BZW2: variants seen among roughly 807,000 people sequenced by gnomAD.
BZW2 encodes basic leucine zipper and W2 domains 2, also known as eIF5-mimic protein 1.
A neutral mutation model predicts 53.2 loss-of-function variants in BZW2; 23 were observed. The ratio of observed to expected loss-of-function variants is 0.43; its 90% CI spans 0.31 to 0.61. The LOEUF is 0.61. BZW2 is among the 20% of genes least tolerant of loss of function. The pLI, the probability that BZW2 is intolerant of heterozygous loss-of-function variation, is 0.09. For synonymous variants in BZW2, 227 were observed against 186.4 expected (o/e 1.22, Z -1.77); for missense variants, 409 against 503.1 (o/e 0.81, Z 1.79).
chr7:16,673,923 G>A (rs957883039), intron 2 of BZW2, among the ~76,000 whole-genome samples: 6 of 151,482 alleles, frequency 4.0e-5, no homozygotes, highest in African/African-American at 1.5e-4. Flanking sequence ...TTTTGAGACA[G>A]CGTTTCACTC....
chr7:16,686,122 C>G (rs1333264913), intron 6 of BZW2, 82 bp downstream of exon 6: 3 of 1,548,180 alleles, frequency 1.9e-6, no homozygotes, highest in Admixed American at 1.9e-5. Flanking sequence ...GCCAGTGGCT[C>G]TTTTTGGTGT....
chr7:16,659,536 C>T (rs1782198941), intron 1 of BZW2, among the ~76,000 whole-genome samples: 1 of 152,056 alleles, frequency 6.6e-6, no homozygotes, highest in Non-Finnish European at 1.5e-5. Flanking sequence ...CCAAAAGATT[C>T]CTAGATTCCT....
At chr7:16,696,162 A>T (rs755662216) in intron 8 of BZW2, 1 of 152,196 alleles carries the variant, frequency 6.6e-6, no homozygotes, top group Non-Finnish European at 1.5e-5. Context: ...TGTTACTACT[A>T]CTCACAAAGT....
Position 16,646,234 on chromosome 7 carries a change from T to G in BZW2, c.-62T>G. 1 of 347,360 alleles carries G rather than the reference T, an allele frequency of 2.9e-6. No individual in the cohort carries two copies. The highest frequency in any genetic ancestry group is 5.9e-6 in the Non-Finnish European group (1 of 169,992). 21.5% of individuals were successfully genotyped at this position (347,360 alleles called of 1,614,324 possible). On this transcript the variant is annotated 5_prime_UTR_variant, in exon 1 of 12. Transcript: ENST00000258761. ...CTGCTGCTGCTGCTGCCGCTGCTGC[T>G]GCACGAATCGCCGCAGCCCCCAGCC...
In BZW2 at chr7:16,682,780, G is replaced by A. The variant is rs1461429389; in HGVS notation, c.340G>A (p.Val114Ile). The A allele has an allele frequency of 6.5e-7, 1 of 1,539,504 alleles. No individual in the cohort carries two copies. The highest frequency in any genetic ancestry group is 1.2e-5 in the South Asian group (1 of 81,350). Residue 114 changes from valine (V) to isoleucine (I), a missense_variant and splice_region_variant, in exon 5 of 12, where the codon GTC becomes ATC. Physicochemically the swap from Val to Ile is conservative, Grantham distance 29. Around this residue, in one of 3 missense-constraint regions of BZW2, gnomAD observed 316 missense variants for 366.8 expected, o/e 0.86. Transcript: ENST00000258761. ...DHETIRNYAQVFNKLIRRYKY... is the reference protein window; with the variant it reads ...DHETIRNYAQIFNKLIRRYKY... ...TATTTAATGGTTGTTTTTTTTTTAG[G>A]TCTTCAATAAACTCATCAGGAGATA...
chr7:16,665,941 C>T (rs1441926936), intron 2 of BZW2, among the ~76,000 whole-genome samples: 2 of 151,928 alleles, frequency 1.3e-5, no homozygotes, highest in Non-Finnish European at 2.9e-5. Flanking sequence ...AATCTACTGC[C>T]CTAAATTCCC....
In BZW2 at chr7:16,704,673, T is replaced by C. The variant is rs1283653325; in HGVS notation, c.1231+4T>C. ...TGGTTACAAAATGCAGAAGAAGGTA[T>C]GATTCTGTTTACAAACATTGATGAC... On this transcript the variant is annotated splice_donor_region_variant and intron_variant, in intron 11 of 11. Coordinates refer to ENST00000258761, the MANE Select transcript of BZW2 (RefSeq NM_014038.3). 6 of 1,565,424 alleles carry C rather than the reference T, an allele frequency of 3.8e-6. No homozygotes were observed. The highest frequency in any genetic ancestry group is 4.5e-5 in the East Asian group (2 of 44,040).
At chr7:16,694,294 G>A (rs1783411948) in intron 7 of BZW2, among the ~76,000 whole-genome samples, 1 of 152,124 alleles carries the variant, frequency 6.6e-6, no homozygotes, top group Non-Finnish European at 1.5e-5. Context: ...CTGAAACTGG[G>A]TTATTTATAC....
chr7:16,670,731 C>T (rs1782573703), intron 2 of BZW2, among the ~76,000 whole-genome samples: 1 of 152,108 alleles, frequency 6.6e-6, no homozygotes, highest in Admixed American at 6.5e-5. Flanking sequence ...CTCTAGAATT[C>T]CTATGCGTTT....
At chr7:16,659,287 A>T (rs1485774053) in intron 1 of BZW2, among the ~76,000 whole-genome samples, 1 of 152,040 alleles carries the variant, frequency 6.6e-6, no homozygotes, top group Non-Finnish European at 1.5e-5. Context: ...CAACTTTCAT[A>T]GTATTTGTTA....
chr7:16,656,555 G>GCACACACAAACACACACACA (rs1782129126), intron 1 of BZW2, among the ~76,000 whole-genome samples: 1 of 141,204 alleles, frequency 7.1e-6, no homozygotes, highest in Non-Finnish European at 1.5e-5. Flanking sequence ...GCGCGCGCGC[G>GCACACACAAACACACACACA]CACACACACA....
At chr7:16,677,266 T>C (rs773882247) in intron 3 of BZW2, among the ~76,000 whole-genome samples, 1 of 152,138 alleles carries the variant, frequency 6.6e-6, no homozygotes, top group Non-Finnish European at 1.5e-5. Context: ...GTGAGCTCTC[T>C]TTACTACCTG....
chr7:16,690,316 C>T (rs1361352264), intron 7 of BZW2, among the ~76,000 whole-genome samples: 1 of 152,026 alleles, frequency 6.6e-6, no homozygotes, highest in Non-Finnish European at 1.5e-5. Flanking sequence ...ATTCTCCTGC[C>T]TCAGCCTCCC....
chr7:16,688,195 T>C (rs1783189290), intron 6 of BZW2, among the ~76,000 whole-genome samples: 2 of 152,212 alleles, frequency 1.3e-5, no homozygotes, highest in South Asian at 4.1e-4. Flanking sequence ...TAACAATAAA[T>C]AGAAAATTAG....
intron 10 of BZW2, among the ~76,000 whole-genome samples, chr7:16,702,391 C>A (rs10274293): frequency 0.032 from 4,869 of 152,080 alleles, 250 homozygotes; most frequent in African/African-American, 0.11. Flanking sequence ...TTGTTACTAC[C>A]CTGGGTTCTT....
Position 16,706,264 on chromosome 7 carries a change from C to A in BZW2, c.*176C>A, listed in dbSNP as rs898868737. ...GTTTTTGTTTTGTTTTTAAATGGAG[C>A]CCTGAGGCATCAGCTATTATACTTG... On this transcript the variant is annotated 3_prime_UTR_variant, in exon 12 of 12. Transcript: ENST00000258761. The A allele has an allele frequency of 4.6e-6, 3 of 646,662 alleles. No homozygotes were observed. The African/African-American group carries it at 5.6e-5, about 12-fold the overall frequency. The allele number at this position is 646,662 out of a possible 1,614,324, so 40.1% of individuals were successfully genotyped here. A position where few individuals can be genotyped will look rare whatever the true frequency, so the allele number is the denominator to read the frequency against.
chr7:16,696,223 T>C (rs1783483453), intron 8 of BZW2: 1 of 152,162 alleles, frequency 6.6e-6, no homozygotes, highest in Admixed American at 6.5e-5. Context: ...GGCCCAAACC[T>C]CTATTTATTA....
chr7:16,698,857 T>A (rs1783582901), intron 10 of BZW2, among the ~76,000 whole-genome samples: 1 of 152,220 alleles, frequency 6.6e-6, no homozygotes, highest in Non-Finnish European at 1.5e-5. Flanking sequence ...AAAGGAACAC[T>A]TAAGAAGTGG....
At chr7:16,684,449 T>C (rs1425807848) in intron 5 of BZW2, among the ~76,000 whole-genome samples, 1 of 152,214 alleles carries the variant, frequency 6.6e-6, no homozygotes, top group Non-Finnish European at 1.5e-5. Context: ...TTAATATAAT[T>C]GAGCAATGTG....
Sources: gnomAD v4.1 joint callset for allele counts (sites outside exome capture counted in the v4.1 genomes callset) on GRCh38, gnomAD v4.1.1 for gene constraint, gnomAD v4.1.1 regional missense constraint, MANE v1.5 for transcripts, NCBI Gene and HGNC (gene_info 2026-07-23, HGNC 2026-07-21) for gene names.